PDGFD: variants seen among roughly 807,000 people sequenced by gnomAD.
PDGFD encodes platelet-derived growth factor D.
A neutral mutation model predicts 44.7 loss-of-function variants in PDGFD; 30 were observed. That is an observed-to-expected ratio of 0.67 (90% CI 0.50 to 0.91). PDGFD has a LOEUF of 0.91. Among genes scored for constraint, PDGFD ranks in the 40% least tolerant of loss-of-function variants. PDGFD has a pLI of 0.00. For synonymous variants in PDGFD, 173 were observed against 168.4 expected, an observed-to-expected ratio of 1.03 and a Z score of -0.21; for missense variants, 445 against 457.8, an observed-to-expected ratio of 0.97 and a Z score of 0.25.
At chr11:104,140,794 AT>A (rs1388817325) in intron 1 of PDGFD, among the ~76,000 whole-genome samples, 8 of 148,748 alleles carry the variant, frequency 5.4e-5, no homozygotes, top group African/African-American at 2.0e-4. Flanking sequence ...TTTCCTAGTT[AT>A]CCACACATTT....
intron 1 of PDGFD, among the ~76,000 whole-genome samples, chr11:104,114,758 C>A (rs1591170771): frequency 6.6e-6 from 1 of 151,952 alleles, no homozygotes; most frequent in African/African-American, 2.4e-5. Flanking sequence ...TTATTAAGTT[C>A]TTTGATTTCT....
In PDGFD at chr11:103,909,645, C is replaced by T. The variant is rs530672576; in HGVS notation, c.*49G>A. On this transcript the variant is annotated 3_prime_UTR_variant, in exon 7 of 7. Transcript: ENST00000393158. ...GAAAAGGGTCTCTTATCTCACCCTC[C>T]TTAAACTAAAGGTTCTTTCAGGCTT... 13 of 1,609,298 alleles carry T rather than the reference C, an allele frequency of 8.1e-6. No homozygotes were observed. Among genetic ancestry groups the T allele is most frequent in the South Asian group, 6.6e-5 (6 of 90,846 alleles).
chr11:104,103,696 T>C (rs12289766), intron 1 of PDGFD, among the ~76,000 whole-genome samples: 7,324 of 151,846 alleles, frequency 0.048, 248 homozygotes, highest in African/African-American at 0.093. Context: ...CCTAACATCA[T>C]AGTGCAATGC....
intron 3 of PDGFD, among the ~76,000 whole-genome samples, chr11:103,971,545 C>G (rs5029265): frequency 0.24 from 35,792 of 151,846 alleles, 4,278 homozygotes; most frequent in Middle Eastern, 0.4. Flanking sequence ...AATGTGTATA[C>G]AGAGAAGAAC....
chr11:104,133,226 C>T (rs1861949518), intron 1 of PDGFD, among the ~76,000 whole-genome samples: 1 of 152,062 alleles, frequency 6.6e-6, no homozygotes, highest in Admixed American at 6.6e-5. Flanking sequence ...AAATGGCATG[C>T]AACAATGTCA....
At chr11:104,051,595 TA>T (rs1860538560) in intron 1 of PDGFD, among the ~76,000 whole-genome samples, 1 of 151,856 alleles carries the variant, frequency 6.6e-6, no homozygotes, top group South Asian at 2.1e-4. Flanking sequence ...TATAGTGAGA[TA>T]ATACAGACAG....
rs944620801 is a variant in PDGFD, at chr11:103,948,899, T to G, written c.511-1175A>C. ...CAAATATTAGAAACTGACTAGATGA[T>G]GGGTTGATAGGTGCAACAAACCACC... On this transcript the variant is annotated intron_variant, in intron 3 of 6. Transcript: ENST00000393158. 2.0e-5 allele frequency among the ~76,000 whole-genome samples: 3 copies of G among 151,680 alleles called. No individual in the cohort carries two copies. The South Asian group carries it at 6.2e-4, about 31-fold the overall frequency.
chr11:104,122,752 G>A (rs1022695209), intron 1 of PDGFD, among the ~76,000 whole-genome samples: 1 of 151,816 alleles, frequency 6.6e-6, no homozygotes, highest in Non-Finnish European at 1.5e-5. Context: ...GTAATCAAAA[G>A]TCTTGTGAAA....
In PDGFD at chr11:103,917,595, A is replaced by AT. The variant is rs547496079; in HGVS notation, c.988-7777dup. Among the ~76,000 whole-genome samples the AT allele has an allele frequency of 7.8e-4, 114 of 146,144 alleles. 3 individuals are homozygous for AT. Among genetic ancestry groups the AT allele is most frequent in the East Asian group, 5.5e-3 (28 of 5,066 alleles). ...TTTTTGAATAATTTGCACAGGCACT[A>AT]TTTTTTTTTTTCTTTTTACCCTCAG... is the stretch of plus-strand genomic sequence containing the variant. On this transcript the variant is annotated intron_variant, in intron 6 of 6. Coordinates refer to ENST00000393158, the MANE Select transcript of PDGFD (RefSeq NM_025208.5).
chr11:104,034,883 C>G (rs925828915), intron 1 of PDGFD, among the ~76,000 whole-genome samples: 1 of 152,132 alleles, frequency 6.6e-6, no homozygotes, highest in Non-Finnish European at 1.5e-5. Flanking sequence ...ACCTCTTGAT[C>G]CGCCCACCCT....
At chr11:104,115,047 CT>C (rs1351211550) in intron 1 of PDGFD, among the ~76,000 whole-genome samples, 1 of 151,624 alleles carries the variant, frequency 6.6e-6, no homozygotes, top group Non-Finnish European at 1.5e-5. Context: ...CCCACACCCC[CT>C]CCCCACCCTC....
intron 5 of PDGFD, among the ~76,000 whole-genome samples, chr11:103,937,734 T>C (rs2134318630): frequency 7.9e-6 from 1 of 125,834 alleles, no homozygotes; most frequent in South Asian, 2.7e-4. Flanking sequence ...CCTCAGTGTG[T>C]GATGTTCCCC....
At chr11:104,108,643 C>T (rs1433415229) in intron 1 of PDGFD, among the ~76,000 whole-genome samples, 3 of 152,250 alleles carry the variant, frequency 2.0e-5, no homozygotes, top group East Asian at 1.9e-4. Context: ...GACAGTGTGG[C>T]GATTCCTCAA....
intron 1 of PDGFD, among the ~76,000 whole-genome samples, chr11:104,133,073 T>C (rs949255863): frequency 4.6e-5 from 7 of 152,102 alleles, no homozygotes; most frequent in Non-Finnish European, 8.8e-5. Context: ...AGTTGACCAA[T>C]GTCACTTCTG....
At chr11:103,920,875 C>T (rs1858205134) in intron 6 of PDGFD, among the ~76,000 whole-genome samples, 1 of 152,178 alleles carries the variant, frequency 6.6e-6, no homozygotes, top group African/African-American at 2.4e-5. Context: ...ATTTCAACCA[C>T]CAATTTGTTT....
chr11:103,933,389 T>C (rs1272272831), intron 5 of PDGFD, among the ~76,000 whole-genome samples: 1 of 152,194 alleles, frequency 6.6e-6, no homozygotes. Context: ...TCAATCCCAA[T>C]GCAGAAGTGC....
intron 1 of PDGFD, among the ~76,000 whole-genome samples, chr11:104,137,728 C>CTTTTTTTTTTTTTTT (rs5794295): frequency 1.3e-5 from 1 of 76,618 alleles, no homozygotes. Context: ...TAGATCACCA[C>CTTTTTTTTTTTTTTT]TTTTTTTTTT....
chr11:103,986,919 A>G (rs1198085450), intron 3 of PDGFD, among the ~76,000 whole-genome samples: 1 of 152,134 alleles, frequency 6.6e-6, no homozygotes, highest in Non-Finnish European at 1.5e-5. Flanking sequence ...CCTGCACTGG[A>G]TGGATCAGCT....
At chr11:103,981,696 T>A (rs1185646820) in intron 3 of PDGFD, among the ~76,000 whole-genome samples, 1 of 151,676 alleles carries the variant, frequency 6.6e-6, no homozygotes, top group African/African-American at 2.4e-5. Context: ...AACAAAAAAA[T>A]CAAATGAATG....
Sources: allele counts gnomAD v4.1 joint callset (sites outside exome capture counted in the v4.1 genomes callset), GRCh38; gene constraint gnomAD v4.1.1; transcripts MANE v1.5; gene names NCBI Gene and HGNC (gene_info 2026-07-23, HGNC 2026-07-21).